The following SEMA6D variants were observed in gnomAD, a reference collection of about 807,000 sequenced individuals.
SEMA6D encodes the protein semaphorin-6D.
A neutral mutation model predicts 106.6 loss-of-function variants in SEMA6D; 35 were observed. The observed-to-expected ratio is 0.33, with a 90% CI of 0.25 to 0.44. The LOEUF (loss-of-function observed/expected upper bound fraction) is 0.44, where lower values mean the gene tolerates loss of function less well. SEMA6D is among the 20% of genes least tolerant of loss of function. The pLI is 1.00. For synonymous variants in SEMA6D, 499 were observed against 487.7 expected, an observed-to-expected ratio of 1.02 and a Z score of -0.31; for missense variants, 1,185 against 1,345.9, an observed-to-expected ratio of 0.88 and a Z score of 1.87.
At chr15:47,227,569 TCACACACACA>T (rs1555407289) in intron 1 of SEMA6D, among the ~76,000 whole-genome samples, 10 of 127,958 alleles carry the variant, frequency 7.8e-5, no homozygotes, top group Admixed American at 8.0e-5. Context: ...TCTCTCTCTC[TCACACACACA>T]CACACACACA....
At chr15:47,628,461 G>T (rs1477661095) in intron 4 of SEMA6D, among the ~76,000 whole-genome samples, 1 of 152,040 alleles carries the variant, frequency 6.6e-6, no homozygotes, top group Non-Finnish European at 1.5e-5. Flanking sequence ...ATTCTGATGG[G>T]TGTGAAATGA....
chr15:47,275,417 A>G (rs150766616), intron 1 of SEMA6D, among the ~76,000 whole-genome samples: 59 of 152,216 alleles, frequency 3.9e-4, no homozygotes, highest in African/African-American at 1.4e-3. Context: ...GTGTTGAACA[A>G]GTTTATCAGT....
chr15:47,243,797 C>G (rs1273279798), intron 1 of SEMA6D, among the ~76,000 whole-genome samples: 1 of 152,014 alleles, frequency 6.6e-6, no homozygotes, highest in Non-Finnish European at 1.5e-5. Context: ...GTGCACTTGT[C>G]CAGTACTTGT....
At chr15:47,188,492 A>G (rs1893724567) in intron 1 of SEMA6D, among the ~76,000 whole-genome samples, 1 of 152,078 alleles carries the variant, frequency 6.6e-6, no homozygotes, top group Non-Finnish European at 1.5e-5. Context: ...TTTTTTTCTG[A>G]TAAATTAGTA....
intron 2 of SEMA6D, among the ~76,000 whole-genome samples, chr15:47,463,246 TTTCAAGCCTTCAGCGGCCCTAGAATG>T (rs1472430861): frequency 6.6e-6 from 1 of 152,124 alleles, no homozygotes; most frequent in African/African-American, 2.4e-5. Context: ...TAGAAATATT[TTTCAAGCCTTCAGCGGCCCTAGAATG>T]TTCAAGCTGG....
chr15:47,659,021 A>C (rs186148232), intron 4 of SEMA6D, among the ~76,000 whole-genome samples: 1 of 152,298 alleles, frequency 6.6e-6, no homozygotes, highest in East Asian at 1.9e-4. Flanking sequence ...GGCATACTTT[A>C]TCAGTATTGT....
chr15:47,608,639 CA>C, intron 4 of SEMA6D, among the ~76,000 whole-genome samples: 1 of 152,026 alleles, frequency 6.6e-6, no homozygotes, highest in Admixed American at 6.6e-5. Flanking sequence ...ATATATATGC[CA>C]TTACCTATTA....
chr15:47,260,158 C>G (rs570848501), intron 1 of SEMA6D, among the ~76,000 whole-genome samples: 1 of 152,140 alleles, frequency 6.6e-6, no homozygotes, highest in African/African-American at 2.4e-5. Flanking sequence ...CAAAATCCAT[C>G]TCAGATAATT....
intron 3 of SEMA6D, among the ~76,000 whole-genome samples, chr15:47,486,613 C>G (rs1163086318): frequency 6.6e-6 from 1 of 152,206 alleles, no homozygotes; most frequent in Non-Finnish European, 1.5e-5. Context: ...TTATCTTGGC[C>G]TCATATGCAC....
chr15:47,388,974 G>T (rs2039936731), intron 1 of SEMA6D, among the ~76,000 whole-genome samples: 1 of 152,088 alleles, frequency 6.6e-6, no homozygotes, highest in African/African-American at 2.4e-5. Flanking sequence ...ATACAAATCT[G>T]CCATTTCAGT....
chr15:47,683,155 C>T (rs1230464999), intron 4 of SEMA6D, among the ~76,000 whole-genome samples: 1 of 152,156 alleles, frequency 6.6e-6, no homozygotes, highest in Non-Finnish European at 1.5e-5. Context: ...GTGTACCCAT[C>T]ACTTGAAGAG....
intron 1 of SEMA6D, among the ~76,000 whole-genome samples, chr15:47,721,191 C>A (rs1364439064): frequency 6.6e-6 from 1 of 152,194 alleles, no homozygotes; most frequent in Admixed American, 6.5e-5. Flanking sequence ...GACCTTTTGA[C>A]AAGAAATGTA....
chr15:47,226,970 A>G lies in SEMA6D; in HGVS notation c.-239+42552A>G, dbSNP rs539239712. Among the ~76,000 whole-genome samples the G allele has an allele frequency of 1.4e-4, 22 of 152,146 alleles. 1 individual carries two copies. The South Asian group carries it at 4.6e-3, about 32-fold the overall frequency. Reference sequence around the variant, plus strand: ...TCTGAATATTTAACTTGGTAAACCTATTGGTTCAATATGTGTCCTATTCCC... The same window carrying G: ...TCTGAATATTTAACTTGGTAAACCTGTTGGTTCAATATGTGTCCTATTCCC... On this transcript the variant is annotated intron_variant, in intron 1 of 19. Coordinates refer to the SEMA6D transcript ENST00000558014.
intron 3 of SEMA6D, 46 bp downstream of exon 3, chr15:47,760,461 TGTG>T (rs1488814123): frequency 3.4e-6 from 5 of 1,449,424 alleles, no homozygotes; most frequent in Non-Finnish European, 3.9e-6. Flanking sequence ...TCTTTTCTCT[TGTG>T]GTGCTTGCAT....
At chr15:47,361,312 A>G (rs2038794869) in intron 1 of SEMA6D, among the ~76,000 whole-genome samples, 1 of 152,214 alleles carries the variant, frequency 6.6e-6, no homozygotes, top group African/African-American at 2.4e-5. Context: ...TTGATAAGGG[A>G]TACTACCCAT....
chr15:47,343,572 C>T (rs1484891289), intron 1 of SEMA6D, among the ~76,000 whole-genome samples: 1 of 152,072 alleles, frequency 6.6e-6, no homozygotes, highest in Non-Finnish European at 1.5e-5. Flanking sequence ...CATGTCCCTA[C>T]AAAGGACATG....
At chr15:47,722,436 T>C (rs1386497428) in intron 1 of SEMA6D, among the ~76,000 whole-genome samples, 1 of 152,226 alleles carries the variant, frequency 6.6e-6, no homozygotes, top group Admixed American at 6.5e-5. Flanking sequence ...CCGTGTGTAC[T>C]AGTGCCGAAA....
intron 2 of SEMA6D, among the ~76,000 whole-genome samples, chr15:47,438,179 C>A (rs115368501): frequency 0.015 from 2,222 of 152,208 alleles, 40 homozygotes; most frequent in African/African-American, 0.051. Context: ...TCTCACATCT[C>A]ATCTATCAGA....
At chr15:47,537,651 G>A (rs2045213501) in intron 3 of SEMA6D, among the ~76,000 whole-genome samples, 1 of 152,180 alleles carries the variant, frequency 6.6e-6, no homozygotes. Context: ...GGGCAAGGAT[G>A]TTGGCAGTTG....
Sources: allele counts gnomAD v4.1 joint callset (sites outside exome capture counted in the v4.1 genomes callset), GRCh38; gene constraint gnomAD v4.1.1; transcripts MANE v1.5; gene names NCBI Gene and HGNC (gene_info 2026-07-23, HGNC 2026-07-21).